The following UGT1A6 variants were observed in gnomAD, a reference collection of about 807,000 sequenced individuals.
UGT1A6 encodes the protein UDP-glucuronosyltransferase 1A6.
Under a neutral mutation model 44.4 loss-of-function variants are expected in UGT1A6, and 32 were observed. The observed-to-expected ratio is 0.72, with a 90% CI of 0.54 to 0.97. The LOEUF (loss-of-function observed/expected upper bound fraction) is 0.97, where lower values mean the gene tolerates loss of function less well. Among genes scored for constraint, UGT1A6 ranks in the 50% least tolerant of loss-of-function variants. The pLI, the probability that UGT1A6 is intolerant of heterozygous loss-of-function variation, is 0.00. For synonymous variants in UGT1A6, 238 were observed against 248.5 expected, an observed-to-expected ratio of 0.96 and a Z score of 0.40; for missense variants, 685 against 661.9, an observed-to-expected ratio of 1.03 and a Z score of -0.38.
chr2:233,698,952 C>G (rs990930969), intron 1 of UGT1A6, among the ~76,000 whole-genome samples: 4 of 152,240 alleles, frequency 2.6e-5, no homozygotes, highest in Non-Finnish European at 5.9e-5. Flanking sequence ...TCTGTCCAAG[C>G]TGGCCCTTGG....
At position 233,714,698 on chromosome 2, in the gene UGT1A6, T is replaced by G. The variant is rs28899185; in HGVS notation, c.861+20833T>G. On this transcript the variant is annotated intron_variant, in intron 1 of 4. Transcript: ENST00000305139. ...AATATTATCCTTTCAACATGTGAAC[T>G]GTTTAACGTAGCTTTTTTTGTTGTT... 4.8e-3 allele frequency among the ~76,000 whole-genome samples: 731 copies of G among 152,338 alleles called. 10 individuals are homozygous for G. The highest frequency in any genetic ancestry group is 0.017 in the African/African-American group (696 of 41,576).
intron 1 of UGT1A6, among the ~76,000 whole-genome samples, chr2:233,734,366 T>C (rs578211263): frequency 4.6e-5 from 7 of 152,208 alleles, no homozygotes; most frequent in Non-Finnish European, 1.0e-4. Flanking sequence ...GGATCGGTGG[T>C]GATATTGCCT....
At chr2:233,732,952 T>C (rs1235178587) in intron 1 of UGT1A6, among the ~76,000 whole-genome samples, 1 of 152,176 alleles carries the variant, frequency 6.6e-6, no homozygotes, top group East Asian at 1.9e-4. Flanking sequence ...GCATGGAATG[T>C]TCTTCCATTT....
intron 1 of UGT1A6, among the ~76,000 whole-genome samples, chr2:233,727,867 C>G (rs1213003028): frequency 6.6e-6 from 1 of 152,194 alleles, no homozygotes; most frequent in Non-Finnish European, 1.5e-5. Context: ...AGGGAAGCCT[C>G]AGCCTCACCA....
rs1043133002 is a variant in UGT1A6, at chr2:233,769,410, C to T, written c.1301+971C>T. On this transcript the variant is annotated intron_variant, in intron 4 of 4. Transcript: ENST00000305139. This position sits in a 1 kb window ranked among gnomAD's most constrained non-coding sequence, Gnocchi z 4.4. ...GATACTGTGTGCATATGTGCGTGTG[C>T]GTTTGTGCATGTGGCTGTGCTCATG... is the stretch of plus-strand genomic sequence containing the variant. 3.7e-5 allele frequency: 49 copies of T among 1,332,922 alleles called. No homozygotes were observed. The highest frequency in any genetic ancestry group is 1.1e-4 in the Admixed American group (6 of 53,448). The allele number at this position is 1,332,922 out of a possible 1,614,324, so 82.6% of individuals were successfully genotyped here.
chr2:233,767,898 C>A lies in UGT1A6; in HGVS notation c.1043C>A (p.Thr348Lys), dbSNP rs776227074. ...CGACCATCGAATCTTGCGAACAACA[C>A]GATACTTGTTAAGTGGCTACCCCAA... Reference protein sequence around the residue: ...GTRPSNLANNTILVKWLPQND... With the variant: ...GTRPSNLANNKILVKWLPQND... The change falls in exon 3 of 5, where the codon ACG becomes AAG. Residue 348 changes from threonine to lysine, a missense_variant. Thr to Lys is a moderately conservative substitution (Grantham distance 78, BLOSUM62 -1). Coordinates refer to ENST00000305139, the MANE Select transcript of UGT1A6 (RefSeq NM_001072.4). The A allele has an allele frequency of 1.2e-6, 2 of 1,614,152 alleles. No individual in the cohort carries two copies. Among genetic ancestry groups the A allele is most frequent in the Non-Finnish European group, 1.7e-6 (2 of 1,180,048 alleles).
intron 1 of UGT1A6, among the ~76,000 whole-genome samples, chr2:233,759,123 C>G (rs1197152658): frequency 6.6e-6 from 1 of 152,198 alleles, no homozygotes; most frequent in East Asian, 1.9e-4. Flanking sequence ...GAGTTACAGC[C>G]TCTGGTACGC....
intron 1 of UGT1A6, among the ~76,000 whole-genome samples, chr2:233,721,219 T>C (rs535662083): frequency 2.0e-5 from 3 of 152,354 alleles, no homozygotes; most frequent in African/African-American, 7.2e-5. Flanking sequence ...TTTCCCCTTA[T>C]GCAATGTAGT....
chr2:233,719,325 G>C (rs771082212), intron 1 of UGT1A6: 3 of 1,613,936 alleles, frequency 1.9e-6, no homozygotes, highest in South Asian at 1.1e-5. Context: ...GTCGATTCCT[G>C]CTGTGTTTTT....
chr2:233,719,653 G>C (rs759057764), intron 1 of UGT1A6: 1 of 1,613,960 alleles, frequency 6.2e-7, no homozygotes, highest in African/African-American at 1.3e-5. Context: ...TTCATTGGGG[G>C]CATCAACTGT....
At position 233,760,866 on chromosome 2, in the gene UGT1A6, G is replaced by A. The variant is rs1437871677; in HGVS notation, c.862-6168G>A. On this transcript the variant is annotated intron_variant, in intron 1 of 4. Transcript: ENST00000305139. ...AGTGCCCCAACCCATTCTCCTACGT[G>A]CCCAGGCCTCTCTCCTCTCATTCAG... is the stretch of plus-strand genomic sequence containing the variant. 3.7e-6 allele frequency: 6 copies of A among 1,613,948 alleles called. No homozygotes were observed. In the African/African-American group the frequency reaches 8.0e-5, roughly 22 times the overall value.
intron 1 of UGT1A6, chr2:233,747,764 C>G: frequency 6.2e-7 from 1 of 1,613,426 alleles, no homozygotes; most frequent in Non-Finnish European, 8.5e-7. Context: ...ACTTTAAGGG[C>G]ACACAGTGTC....
In UGT1A6 at chr2:233,768,367, T is replaced by C; in HGVS notation, c.1229T>C (p.Val410Ala). 6.2e-7 allele frequency: 1 copy of C among 1,614,082 alleles called. No individual in the cohort carries two copies. The highest frequency in any genetic ancestry group is 8.5e-7 in the Non-Finnish European group (1 of 1,180,022). The change falls in exon 4 of 5, where the codon GTG (valine) becomes GCG (alanine). Residue 410 changes from valine to alanine, a missense_variant. Val to Ala is a moderately conservative substitution (Grantham distance 64). Transcript: ENST00000305139. The stretch of plus-strand genomic sequence containing the variant: ...CGCATGGAGACTAAGGGAGCTGGAG[T>C]GACCCTGAATGTTCTGGAAATGACT... ...AKRMETKGAG[V>A]TLNVLEMTSE...
At chr2:233,732,137 TTTG>T (rs1309636549) in intron 1 of UGT1A6, among the ~76,000 whole-genome samples, 1 of 152,050 alleles carries the variant, frequency 6.6e-6, no homozygotes, top group African/African-American at 2.4e-5. Context: ...AGGTTGTTTG[TTTG>T]TTTTTTTTCT....
At chr2:233,756,376 A>G (rs1276716775) in intron 1 of UGT1A6, 1 of 152,194 alleles carries the variant, frequency 6.6e-6, no homozygotes, top group Non-Finnish European at 1.5e-5. Flanking sequence ...ATGCTATGTA[A>G]ATAGTTGTTT....
intron 1 of UGT1A6, among the ~76,000 whole-genome samples, chr2:233,696,340 C>T (rs905819454): frequency 8.6e-5 from 13 of 151,938 alleles, no homozygotes; most frequent in African/African-American, 2.9e-4. Context: ...TTATACAGAT[C>T]TTTCACTTCC....
rs1297959872 is a variant in UGT1A6 at position 233,724,603 on chromosome 2, C to T, written c.861+30738C>T. ...CGCTCCCCACATCTCAGACGATGGG[C>T]GGCCGGGCAGAGACGCTCCTCACTT... On this transcript the variant is annotated intron_variant, in intron 1 of 4. Transcript: ENST00000305139. Among the ~76,000 whole-genome samples the T allele has an allele frequency of 1.4e-4, 18 of 132,966 alleles. 2 individuals are homozygous for T. In the South Asian group the frequency reaches 1.5e-3, roughly 11 times the overall value. The allele number at this position is 132,966 out of a possible 152,430, so 87.2% of individuals were successfully genotyped here.
chr2:233,718,965 C>T (rs182680267), intron 1 of UGT1A6: 112 of 1,614,172 alleles, frequency 6.9e-5, no homozygotes, highest in African/African-American at 6.7e-4. Flanking sequence ...GGAGGCCTTG[C>T]GGGAGCTCCA....
intron 1 of UGT1A6, among the ~76,000 whole-genome samples, chr2:233,739,507 G>A (rs1269718044): frequency 2.0e-5 from 3 of 152,272 alleles, no homozygotes; most frequent in African/African-American, 7.2e-5. Flanking sequence ...TGATCTAGAT[G>A]TGAGACATGA....
Sources: allele counts gnomAD v4.1 joint callset (sites outside exome capture counted in the v4.1 genomes callset), GRCh38; gene constraint gnomAD v4.1.1; non-coding constraint Gnocchi (gnomAD v3.1); transcripts MANE v1.5; gene names NCBI Gene and HGNC (gene_info 2026-07-23, HGNC 2026-07-21).